The following DSCAM variants were observed in gnomAD, a reference collection of about 807,000 sequenced individuals.
DSCAM encodes the protein cell adhesion molecule DSCAM.
In DSCAM, 47 loss-of-function variants were observed where a neutral mutation model predicts 217.7. That is an observed-to-expected ratio of 0.22 (90% CI 0.17 to 0.28). DSCAM has a LOEUF of 0.28. Ranked by LOEUF, DSCAM falls within the 10% of genes least tolerant of loss-of-function variation. The pLI, the probability that DSCAM is intolerant of heterozygous loss-of-function variation, is 1.00. For missense variants in DSCAM, 2,080 were observed against 2,618.3 expected (o/e 0.79, Z 4.49); for synonymous variants, 1,056 against 1,015.3 (o/e 1.04, Z -0.76).
chr21:40,619,895 G>T (rs565289369), intron 3 of DSCAM, among the ~76,000 whole-genome samples: 1 of 147,926 alleles, frequency 6.8e-6, no homozygotes, highest in African/African-American at 2.5e-5. Flanking sequence ...CATTTAAACC[G>T]TATGAGATAA....
At chr21:40,545,683 C>T (rs1255521256) in intron 3 of DSCAM, among the ~76,000 whole-genome samples, 1 of 152,148 alleles carries the variant, frequency 6.6e-6, no homozygotes, top group Non-Finnish European at 1.5e-5. Flanking sequence ...GTGAAATATG[C>T]ACACCATCCC....
Position 40,665,678 on chromosome 21 carries a change from C to T in DSCAM, c.508+27132G>A, listed in dbSNP as rs117668873. On this transcript the variant is annotated intron_variant, in intron 3 of 32. Coordinates refer to ENST00000400454, the MANE Select transcript of DSCAM (RefSeq NM_001389.5). ...GAGGTCTTCCCCAAGACCATAGGCC[C>T]ATGAGCACAGACACAGCTGGCACTA... 1.9e-3 allele frequency among the ~76,000 whole-genome samples: 294 copies of T among 152,290 alleles called. 10 individuals are homozygous for T. In the East Asian group the frequency reaches 0.052, roughly 27 times the overall value.
chr21:40,532,342 T>C (rs960876883), intron 3 of DSCAM, among the ~76,000 whole-genome samples: 9 of 152,180 alleles, frequency 5.9e-5, no homozygotes, highest in African/African-American at 2.2e-4. Context: ...TCCTTGCAGA[T>C]TGATTTCCCT....
intron 11 of DSCAM, among the ~76,000 whole-genome samples, chr21:40,201,406 T>C (rs1314632529): frequency 2.0e-5 from 3 of 152,054 alleles, no homozygotes; most frequent in African/African-American, 7.2e-5. Context: ...TCTGGTTCTG[T>C]ACATAGGTAC....
intron 3 of DSCAM, among the ~76,000 whole-genome samples, chr21:40,432,483 C>A (rs1292859938): frequency 6.6e-6 from 1 of 152,146 alleles, no homozygotes. Context: ...CTCAAACACT[C>A]TAGGATATCC....
At chr21:40,592,243 G>C (rs935874612) in intron 3 of DSCAM, among the ~76,000 whole-genome samples, 1 of 152,156 alleles carries the variant, frequency 6.6e-6, no homozygotes, top group Non-Finnish European at 1.5e-5. Context: ...TCTGTAAGGA[G>C]TTTAGGTAGT....
chr21:40,068,516 C>A (rs1248510280), intron 27 of DSCAM, among the ~76,000 whole-genome samples: 1 of 152,030 alleles, frequency 6.6e-6, no homozygotes, highest in Non-Finnish European at 1.5e-5. Flanking sequence ...AATCAATAGA[C>A]CAAGTATTTT....
chr21:40,433,656 T>C lies in DSCAM; in HGVS notation c.509-64411A>G, dbSNP rs1420895141. Among the ~76,000 whole-genome samples, 3 of 152,200 alleles carry C rather than the reference T, an allele frequency of 2.0e-5. No homozygotes were observed. The East Asian group carries it at 5.8e-4, about 29-fold the overall frequency. ...AAATGGCTAGCAAGAGACTGCACAA[T>C]GTCACCTGAAGTGGATGACATCACT... is the stretch of plus-strand genomic sequence containing the variant. On this transcript the variant is annotated intron_variant, in intron 3 of 32. Transcript: ENST00000400454.
intron 18 of DSCAM, 84 bp from the exon 19 acceptor site, chr21:40,134,093 C>T (rs953986973): frequency 2.0e-6 from 3 of 1,491,828 alleles, no homozygotes; most frequent in Middle Eastern, 3.7e-4. Context: ...CTGACTGTCC[C>T]TGTGCCATGC....
At chr21:40,175,808 C>CAT (rs2090721231) in intron 15 of DSCAM, among the ~76,000 whole-genome samples, 2 of 90,114 alleles carry the variant, frequency 2.2e-5, no homozygotes, top group Admixed American at 2.9e-4. Flanking sequence ...CACACACACA[C>CAT]GCACACACAC....
chr21:40,189,019 T>C, intron 12 of DSCAM, 23 bp downstream of exon 12: 1 of 1,609,884 alleles, frequency 6.2e-7, no homozygotes, highest in Non-Finnish European at 8.5e-7. Context: ...CATTCCATTG[T>C]GTTGTATTTG....
Position 40,305,874 on chromosome 21 carries a change from A to G in DSCAM, c.2062+6207T>C, listed in dbSNP as rs533365641. 5.8e-3 allele frequency among the ~76,000 whole-genome samples: 882 copies of G among 152,206 alleles called. 7 individuals carry two copies. Among genetic ancestry groups the G allele is most frequent in the Middle Eastern group, 0.014 (4 of 294 alleles). ...GTAGTATAGTTTGAAGTCAGGTAGC[A>G]TGATGCCTCCAGCTTTGTTCTTTTG... On this transcript the variant is annotated intron_variant, in intron 9 of 32. Coordinates refer to ENST00000400454, the MANE Select transcript of DSCAM (RefSeq NM_001389.5).
At chr21:40,342,402 G>A (rs947138835) in intron 6 of DSCAM, among the ~76,000 whole-genome samples, 8 of 151,420 alleles carry the variant, frequency 5.3e-5, no homozygotes, top group Non-Finnish European at 1.0e-4. Context: ...CTAAGAAATC[G>A]TCACCTATTC....
At chr21:40,125,502 A>G (rs1387183086) in intron 19 of DSCAM, among the ~76,000 whole-genome samples, 2 of 152,206 alleles carry the variant, frequency 1.3e-5, no homozygotes, top group Non-Finnish European at 2.9e-5. Flanking sequence ...TACTGCTTTG[A>G]TGGCAATGCA....
At chr21:40,574,377 T>C (rs1181658366) in intron 3 of DSCAM, among the ~76,000 whole-genome samples, 1 of 152,184 alleles carries the variant, frequency 6.6e-6, no homozygotes, top group Non-Finnish European at 1.5e-5. Flanking sequence ...AAAAATTATA[T>C]AACTATCTCA....
At chr21:40,539,527 T>C (rs2076527583) in intron 3 of DSCAM, among the ~76,000 whole-genome samples, 3 of 151,016 alleles carry the variant, frequency 2.0e-5, no homozygotes, top group Admixed American at 1.3e-4. Flanking sequence ...AAAAGAAAAA[T>C]TGGGATTTCC....
At chr21:40,496,978 A>C (rs2076123704) in intron 3 of DSCAM, among the ~76,000 whole-genome samples, 1 of 152,228 alleles carries the variant, frequency 6.6e-6, no homozygotes, top group Non-Finnish European at 1.5e-5. Flanking sequence ...GTTATCAAAA[A>C]GACAAAAGAT....
At chr21:40,095,878 A>C (rs1393244933) in intron 20 of DSCAM, among the ~76,000 whole-genome samples, 1 of 152,240 alleles carries the variant, frequency 6.6e-6, no homozygotes, top group African/African-American at 2.4e-5. Context: ...GATATGATAC[A>C]AAAAGACCTA....
At chr21:40,138,679 TGTGTGGTGTGGTGTGTGGTGTATGTGTG>T in intron 18 of DSCAM, among the ~76,000 whole-genome samples, 1 of 136,294 alleles carries the variant, frequency 7.3e-6, no homozygotes, top group South Asian at 2.5e-4. Flanking sequence ...ATGTGGTGTA[TGTGTGGTGTGGTGTGTGGTGTATGTGTG>T]GTGTGTGTGG....
Sources: allele counts gnomAD v4.1 joint callset (sites outside exome capture counted in the v4.1 genomes callset), GRCh38; gene constraint gnomAD v4.1.1; transcripts MANE v1.5; gene names NCBI Gene and HGNC (gene_info 2026-07-23, HGNC 2026-07-21).